EPHA7: variants seen among roughly 807,000 people sequenced by gnomAD.
EPHA7 encodes EPH receptor A7, also known as ephrin type-A receptor 7.
In EPHA7, 25 loss-of-function variants were observed where a neutral mutation model predicts 112.6. The observed-to-expected ratio is 0.22, with a 90% CI of 0.16 to 0.31. The LOEUF is 0.31. EPHA7 is among the 10% of genes least tolerant of loss of function. The pLI is 1.00. For synonymous variants in EPHA7, 437 were observed against 406.5 expected (o/e 1.07, Z -0.90); for missense variants, 962 against 1,212.6 (o/e 0.79, Z 3.07).
At chr6:93,267,094 T>C (rs1288147081) in intron 7 of EPHA7, among the ~76,000 whole-genome samples, 1 of 151,778 alleles carries the variant, frequency 6.6e-6, no homozygotes, top group Non-Finnish European at 1.5e-5. Context: ...TAATAAAATG[T>C]TTGTGTGTTC....
intron 5 of EPHA7, among the ~76,000 whole-genome samples, chr6:93,281,208 A>G (rs1358808915): frequency 6.6e-6 from 1 of 152,222 alleles, no homozygotes; most frequent in Admixed American, 6.5e-5. Context: ...CATCATTGTA[A>G]GAAAATGAAA....
At chr6:93,408,717 C>A (rs1369675883) in intron 3 of EPHA7, among the ~76,000 whole-genome samples, 1 of 152,036 alleles carries the variant, frequency 6.6e-6, no homozygotes, top group South Asian at 2.1e-4. Context: ...TGCTTAGCAG[C>A]CATCCACATG....
intron 7 of EPHA7, among the ~76,000 whole-genome samples, chr6:93,267,595 A>G (rs1771007006): frequency 6.6e-6 from 1 of 151,782 alleles, no homozygotes; most frequent in Non-Finnish European, 1.5e-5. Flanking sequence ...TCTTTCATCA[A>G]CTTGACATTC....
chr6:93,418,894 C>A (rs887640714), intron 1 of EPHA7, among the ~76,000 whole-genome samples: 3 of 152,240 alleles, frequency 2.0e-5, no homozygotes, highest in Non-Finnish European at 4.4e-5. Flanking sequence ...GAAGACCGAG[C>A]TAGAGAGAGA....
intron 3 of EPHA7, among the ~76,000 whole-genome samples, chr6:93,404,941 C>T (rs1193102664): frequency 6.6e-6 from 1 of 151,792 alleles, no homozygotes; most frequent in African/African-American, 2.4e-5. Flanking sequence ...TACCTGAGCC[C>T]TGTGTTTATA....
chr6:93,266,718 ACAG>A (rs1332715076), intron 7 of EPHA7, among the ~76,000 whole-genome samples: 1 of 151,710 alleles, frequency 6.6e-6, no homozygotes, highest in Non-Finnish European at 1.5e-5. Flanking sequence ...GCTTTCTGGC[ACAG>A]CAAGTCACTG....
At chr6:93,349,914 A>G (rs17739107) in intron 5 of EPHA7, among the ~76,000 whole-genome samples, 6,605 of 152,014 alleles carry the variant, frequency 0.043, 242 homozygotes, top group South Asian at 0.085. Context: ...ACAAATAAAG[A>G]AAATGATTGT....
At chr6:93,273,057 G>GT (rs1771304387) in intron 5 of EPHA7, among the ~76,000 whole-genome samples, 2 of 151,860 alleles carry the variant, frequency 1.3e-5, no homozygotes, top group African/African-American at 4.8e-5. Flanking sequence ...TCTTGCATGT[G>GT]TAATTTATAC....
chr6:93,322,360 A>G (rs1217642710), intron 5 of EPHA7, among the ~76,000 whole-genome samples: 2 of 151,878 alleles, frequency 1.3e-5, no homozygotes, highest in African/African-American at 4.8e-5. Context: ...AAAAACTTAG[A>G]GGGAAATTTT....
At chr6:93,321,660 C>A (rs767797556) in intron 5 of EPHA7, among the ~76,000 whole-genome samples, 1 of 151,846 alleles carries the variant, frequency 6.6e-6, no homozygotes, top group African/African-American at 2.4e-5. Context: ...TGGGCACTTA[C>A]GCATCTTCAG....
chr6:93,310,944 A>C (rs1349573585), intron 5 of EPHA7, among the ~76,000 whole-genome samples: 4 of 151,578 alleles, frequency 2.6e-5, no homozygotes, highest in Non-Finnish European at 5.9e-5. Flanking sequence ...TTTGTGAAAC[A>C]TGTCTCTCTG....
intron 5 of EPHA7, among the ~76,000 whole-genome samples, chr6:93,327,414 T>C (rs140068387): frequency 6.6e-6 from 1 of 151,620 alleles, no homozygotes; most frequent in East Asian, 1.9e-4. Context: ...TCTCATTTAG[T>C]TCATGACTTT....
At chr6:93,358,198 A>T in intron 4 of EPHA7, 58 bp downstream of exon 4, 1 of 1,330,174 alleles carries the variant, frequency 7.5e-7, no homozygotes, top group East Asian at 2.6e-5. Flanking sequence ...TTGATGTCAC[A>T]ACAGTACAAA....
At chr6:93,311,752 T>G (rs1773553518) in intron 5 of EPHA7, among the ~76,000 whole-genome samples, 1 of 152,190 alleles carries the variant, frequency 6.6e-6, no homozygotes, top group Non-Finnish European at 1.5e-5. Context: ...CCCAGATCTA[T>G]CAAAGGAATC....
At chr6:93,354,463 ATAGG>A (rs1284393910) in intron 5 of EPHA7, among the ~76,000 whole-genome samples, 2 of 151,984 alleles carry the variant, frequency 1.3e-5, no homozygotes, top group African/African-American at 2.4e-5. Flanking sequence ...TAATAAATGT[ATAGG>A]TATTCTTTTT....
At chr6:93,394,902 T>G (rs1318162440) in intron 3 of EPHA7, among the ~76,000 whole-genome samples, 2 of 151,888 alleles carry the variant, frequency 1.3e-5, no homozygotes, top group Non-Finnish European at 2.9e-5. Context: ...AATTATTTAA[T>G]TTTTATCACT....
chr6:93,269,436 G>T, intron 7 of EPHA7, 41 bp downstream of exon 7: 2 of 1,557,236 alleles, frequency 1.3e-6, no homozygotes, highest in Non-Finnish European at 1.8e-6. Flanking sequence ...ATATATGCTA[G>T]AGTTATTGAG....
chr6:93,313,022 A>G (rs1773620676), intron 5 of EPHA7, among the ~76,000 whole-genome samples: 3 of 152,140 alleles, frequency 2.0e-5, no homozygotes, highest in African/African-American at 4.8e-5. Context: ...TAGTAACATC[A>G]AAGATTTCTG....
intron 7 of EPHA7, among the ~76,000 whole-genome samples, chr6:93,266,284 G>A (rs1179587760): frequency 2.0e-5 from 3 of 151,608 alleles, no homozygotes; most frequent in Admixed American, 1.3e-4. Flanking sequence ...ATGTACATAT[G>A]TTATGAAATT....
Sources: gnomAD v4.1 joint callset for allele counts (sites outside exome capture counted in the v4.1 genomes callset) on GRCh38, gnomAD v4.1.1 for gene constraint, MANE v1.5 for transcripts, NCBI Gene and HGNC (gene_info 2026-07-23, HGNC 2026-07-21) for gene names.